The following LRRC36 variants were observed in gnomAD, a reference collection of about 807,000 sequenced individuals.
LRRC36 encodes leucine rich repeat containing 36.
Under a neutral mutation model 81.1 loss-of-function variants are expected in LRRC36, and 62 were observed. The ratio of observed to expected loss-of-function variants is 0.76; its 90% CI spans 0.62 to 0.94. The LOEUF (loss-of-function observed/expected upper bound fraction) is 0.94. LRRC36 is among the 40% of genes least tolerant of loss of function. The pLI, the probability that LRRC36 is intolerant of heterozygous loss-of-function variation, is 0.00. For synonymous variants in LRRC36, 334 were observed against 348.6 expected (o/e 0.96, Z 0.47); for missense variants, 761 against 881.7 (o/e 0.86, Z 1.73).
intron 5 of LRRC36, among the ~76,000 whole-genome samples, chr16:67,361,232 A>G (rs1418346192): frequency 1.3e-5 from 2 of 151,994 alleles, no homozygotes; most frequent in South Asian, 2.1e-4. Context: ...GGGTCTCACT[A>G]TGTTGCCCAG....
At position 67,384,960 on chromosome 16, in the gene LRRC36, G is replaced by C; in HGVS notation, c.2136G>C (p.Lys712Asn). 6 of 1,614,214 alleles carry C rather than the reference G, an allele frequency of 3.7e-6. No individual in the cohort carries two copies. The highest frequency in any genetic ancestry group is 1.7e-4 in the Middle Eastern group (1 of 6,058). ...YSGKALLPPE[K>N]GHHLGRSSPF... ...GGAAAGCGCTCCTGCCTCCTGAGAAGGGTCATCATCTGGGGAGATCATCGC... is the reference window on the plus strand; with the variant it reads ...GGAAAGCGCTCCTGCCTCCTGAGAACGGTCATCATCTGGGGAGATCATCGC... Residue 712 changes from lysine (K) to asparagine (N), a missense_variant, in exon 14 of 14, where the codon AAG becomes AAC. Lys to Asn is a moderately conservative substitution (Grantham distance 94, BLOSUM62 0). This residue lies in a region of LRRC36 where 359 missense variants were observed against 388.4 expected (regional missense o/e 0.92). Coordinates refer to ENST00000329956, the MANE Select transcript of LRRC36 (RefSeq NM_018296.6).
intron 6 of LRRC36, among the ~76,000 whole-genome samples, chr16:67,364,307 G>T (rs2039289388): frequency 6.6e-6 from 1 of 152,220 alleles, no homozygotes; most frequent in South Asian, 2.1e-4. Flanking sequence ...ACTTGTTTGT[G>T]TGAGTGAATA....
chr16:67,382,342 G>A (rs2040143756), intron 13 of LRRC36, 95 bp downstream of exon 13: 1 of 802,104 alleles, frequency 1.2e-6, no homozygotes, highest in Admixed American at 2.6e-5. Context: ...TATGCACTTT[G>A]CAAGTGAACT....
At chr16:67,348,758 A>T (rs978290649) in intron 4 of LRRC36, among the ~76,000 whole-genome samples, 1 of 152,160 alleles carries the variant, frequency 6.6e-6, no homozygotes, top group African/African-American at 2.4e-5. Context: ...GAGAACAAGG[A>T]TCTTGTTGGT....
intron 5 of LRRC36, among the ~76,000 whole-genome samples, chr16:67,362,542 A>G (rs1279197191): frequency 6.6e-6 from 1 of 152,150 alleles, no homozygotes; most frequent in African/African-American, 2.4e-5. Flanking sequence ...CAGCCCCATC[A>G]CTAATTTAAT....
chr16:67,376,005 T>G (rs2039876606), intron 10 of LRRC36, among the ~76,000 whole-genome samples: 1 of 152,220 alleles, frequency 6.6e-6, no homozygotes, highest in Admixed American at 6.5e-5. Flanking sequence ...GGTGGTAAAA[T>G]TTTAAATATA....
chr16:67,358,117 T>C (rs1044148020), intron 5 of LRRC36, among the ~76,000 whole-genome samples: 2 of 151,514 alleles, frequency 1.3e-5, no homozygotes, highest in South Asian at 4.2e-4. Flanking sequence ...ATTTTCTTGA[T>C]TGTTGTATAT....
chr16:67,375,450 G>T, intron 10 of LRRC36, 38 bp downstream of exon 10: 5 of 1,526,478 alleles, frequency 3.3e-6, no homozygotes, highest in Non-Finnish European at 4.4e-6. Context: ...ACAGGAGTTG[G>T]ACTTTTCCTC....
In LRRC36 at chr16:67,364,998, C is replaced by T. The variant is rs544088465; in HGVS notation, c.703-306C>T. 2.7e-3 allele frequency: 714 copies of T among 267,886 alleles called. 1 individual carries two copies. The highest frequency in any genetic ancestry group is 4.4e-3 in the Non-Finnish European group (624 of 143,114). 16.6% of individuals were successfully genotyped at this position (267,886 alleles called of 1,614,324 possible). A position where few individuals can be genotyped will look rare whatever the true frequency, so the allele number is the denominator to read the frequency against. On this transcript the variant is annotated intron_variant, in intron 6 of 13. Coordinates refer to ENST00000329956, the MANE Select transcript of LRRC36 (RefSeq NM_018296.6). ...AAAATAAGCATGAGAGTCCTTTAAA[C>T]AGAAAAAGCAAAGCTGGAAAGTGGC... is the stretch of plus-strand genomic sequence containing the variant.
chr16:67,351,921 T>C (rs1378864471), intron 5 of LRRC36, among the ~76,000 whole-genome samples: 1 of 152,214 alleles, frequency 6.6e-6, no homozygotes, highest in Non-Finnish European at 1.5e-5. Flanking sequence ...AATGCTTTGG[T>C]ATACAGCCTT....
intron 5 of LRRC36, among the ~76,000 whole-genome samples, chr16:67,356,815 G>A (rs1408309213): frequency 6.6e-6 from 1 of 152,198 alleles, no homozygotes; most frequent in Non-Finnish European, 1.5e-5. Flanking sequence ...AGTGGGCATA[G>A]TTGAGGGGAA....
chr16:67,332,734 A>G (rs897833742), intron 1 of LRRC36, among the ~76,000 whole-genome samples: 1 of 152,150 alleles, frequency 6.6e-6, no homozygotes, highest in East Asian at 1.9e-4. Context: ...AGTGAAAGGC[A>G]TGAGAAATGC....
chr16:67,359,031 T>G (rs1287436693), intron 5 of LRRC36, among the ~76,000 whole-genome samples: 2 of 152,220 alleles, frequency 1.3e-5, no homozygotes, highest in Non-Finnish European at 2.9e-5. Flanking sequence ...AAAAGCAATG[T>G]CAAGGATGTG....
rs2038343060 is a variant in LRRC36, at chr16:67,346,281, A to G, written c.224A>G (p.Gln75Arg). ...GGAATCCAGTATTTATGTTCACTCC[A>G]AGACCTGAATTTATATTATAACAAC... ...LKGIQYLCSL[Q>R]DLNLYYNNIP... Residue 75 changes from glutamine to arginine, a missense_variant, in exon 3 of 14, where the codon CAA becomes CGA. Physicochemically the swap from Gln to Arg is conservative, Grantham distance 43. Around this residue, in one of 3 missense-constraint regions of LRRC36, gnomAD observed 263 missense variants for 279.3 expected, o/e 0.94. Coordinates refer to ENST00000329956, the MANE Select transcript of LRRC36 (RefSeq NM_018296.6). 4 of 1,606,428 alleles carry G rather than the reference A, an allele frequency of 2.5e-6. No individual in the cohort carries two copies. Among genetic ancestry groups the G allele is most frequent in the Admixed American group, 1.7e-5 (1 of 59,770 alleles).
intron 1 of LRRC36, among the ~76,000 whole-genome samples, chr16:67,331,603 A>G (rs1299214456): frequency 2.6e-5 from 4 of 152,200 alleles, no homozygotes; most frequent in Non-Finnish European, 4.4e-5. Flanking sequence ...GTAAGTTTTA[A>G]TCCATTATAG....
chr16:67,367,924 G>A (rs1007645734), intron 8 of LRRC36, among the ~76,000 whole-genome samples: 3 of 152,156 alleles, frequency 2.0e-5, no homozygotes, highest in African/African-American at 7.2e-5. Flanking sequence ...GAGCATGGTG[G>A]CATGCGCCTG....
At chr16:67,384,295 G>A (rs1453284248) in intron 13 of LRRC36, among the ~76,000 whole-genome samples, 1 of 152,138 alleles carries the variant, frequency 6.6e-6, no homozygotes, top group Admixed American at 6.5e-5. Context: ...TTAGCTGAGT[G>A]TGGTGGTGCA....
At chr16:67,372,390 C>T (rs2039688196) in intron 9 of LRRC36, among the ~76,000 whole-genome samples, 1 of 152,080 alleles carries the variant, frequency 6.6e-6, no homozygotes, top group Non-Finnish European at 1.5e-5. Flanking sequence ...ATAAAATATC[C>T]TAGTATGATA....
intron 11 of LRRC36, among the ~76,000 whole-genome samples, chr16:67,377,727 C>T (rs1387586588): frequency 6.6e-6 from 1 of 150,608 alleles, no homozygotes; most frequent in African/African-American, 2.4e-5. Flanking sequence ...CTCCGCCTCC[C>T]GGGTTCAAGC....
Sources: gnomAD v4.1 joint callset for allele counts (sites outside exome capture counted in the v4.1 genomes callset) on GRCh38, gnomAD v4.1.1 for gene constraint, gnomAD v4.1.1 regional missense constraint, MANE v1.5 for transcripts, NCBI Gene and HGNC (gene_info 2026-07-23, HGNC 2026-07-21) for gene names.